Variants in NSD2 observed in about 807,000 individuals in gnomAD.
NSD2 encodes histone-lysine N-methyltransferase NSD2.
NSD2 carries 12 observed loss-of-function variants against 139.0 expected under a neutral mutation model. The ratio of observed to expected loss-of-function variants is 0.09; its 90% CI spans 0.06 to 0.14. The LOEUF (loss-of-function observed/expected upper bound fraction) is 0.14. NSD2 is among the 10% of genes least tolerant of loss of function. The pLI is 1.00. For missense variants in NSD2, 1,155 were observed against 1,745.0 expected, an observed-to-expected ratio of 0.66 and a Z score of 6.02; for synonymous variants, 669 against 648.7, an observed-to-expected ratio of 1.03 and a Z score of -0.48.
At position 1,878,268 on chromosome 4, in the gene NSD2, T is replaced by A. The variant is rs1429930860; in HGVS notation, c.-30+6726T>A. Among the ~76,000 whole-genome samples the A allele has an allele frequency of 2.6e-3, 319 of 121,500 alleles. 1 individual carries two copies. Among genetic ancestry groups the A allele is most frequent in the African/African-American group, 9.3e-3 (285 of 30,544 alleles). 79.7% of individuals were successfully genotyped at this position (121,500 alleles called of 152,430 possible). ...ATATATATATTTTTTTTTTTTTTTTTTTTTTTTTTTTTTTTTGTATTTTTA... is the reference window on the plus strand; with the variant it reads ...ATATATATATTTTTTTTTTTTTTTTATTTTTTTTTTTTTTTTGTATTTTTA... On this transcript the variant is annotated intron_variant, in intron 1 of 21. Transcript: ENST00000508803.
rs146996262 is a variant in NSD2 at position 1,898,816 on chromosome 4, T to A, written c.-29-1810T>A. ...AGAATTTGGGACTCCCCTCTGAGACTCTCTCCTTGAGATTTCCCCCCTCAT... is the reference window on the plus strand; with the variant it reads ...AGAATTTGGGACTCCCCTCTGAGACACTCTCCTTGAGATTTCCCCCCTCAT... On this transcript the variant is annotated intron_variant, in intron 1 of 21. Coordinates refer to ENST00000508803, the MANE Select transcript of NSD2 (RefSeq NM_001042424.3). Among the ~76,000 whole-genome samples the A allele has an allele frequency of 9.9e-5, 15 of 151,892 alleles. No individual in the cohort carries two copies. The East Asian group carries it at 2.9e-3, about 29-fold the overall frequency.
At chr4:1,872,613 AGAGAGAGAGAGAGAGAGAGAGAGC>A (rs1480850608) in intron 1 of NSD2, among the ~76,000 whole-genome samples, 38 of 143,882 alleles carry the variant, frequency 2.6e-4, no homozygotes, top group Non-Finnish European at 4.7e-4. Flanking sequence ...AGAGAGAGAG[AGAGAGAGAGAGAGAGAGAGAGAGC>A]GCGCAGACCC....
In NSD2 at chr4:1,975,302, C is replaced by T; in HGVS notation, c.3523C>T (p.Leu1175=). 2 of 1,614,176 alleles carry T rather than the reference C, an allele frequency of 1.2e-6. No individual in the cohort carries two copies. The highest frequency in any genetic ancestry group is 1.7e-6 in the Non-Finnish European group (2 of 1,180,032). ...AVCDIPAGTE[L]TFNYNLDCLG... is the part of the protein sequence containing the mutation. ...GTCTCCTCTTCTCCCAGGGACGGAG[C>T]TGACTTTTAACTACAACCTCGATTG... The change falls in exon 20 of 22, where the codon CTG becomes TTG. Residue 1175 remains leucine, a synonymous_variant. Coordinates refer to ENST00000508803, the MANE Select transcript of NSD2 (RefSeq NM_001042424.3).
At chr4:1,924,619 C>G (rs979131914) in intron 5 of NSD2, among the ~76,000 whole-genome samples, 2 of 152,004 alleles carry the variant, frequency 1.3e-5, no homozygotes, top group African/African-American at 4.8e-5. Flanking sequence ...ACAGTTAAAA[C>G]TGAGTTCTGG....
chr4:1,918,450 G>C lies in NSD2; in HGVS notation c.1237G>C (p.Glu413Gln). Residue 413 changes from glutamate to glutamine, a missense_variant, in exon 5 of 22, where the codon GAG becomes CAG. By Grantham distance (29) the Glu-to-Gln change is conservative (BLOSUM62 2). Coordinates refer to ENST00000508803, the MANE Select transcript of NSD2 (RefSeq NM_001042424.3). Reference sequence around the variant, plus strand: ...ACTGTGTAGCTCTGCAGAGACCCTGGAGAGTCACCCCGACATAGGGAAGAG... The same window carrying C: ...ACTGTGTAGCTCTGCAGAGACCCTGCAGAGTCACCCCGACATAGGGAAGAG... ...AKLCSSAETLESHPDIGKSTP... is the reference protein window; with the variant it reads ...AKLCSSAETLQSHPDIGKSTP... 1.2e-6 allele frequency: 2 copies of C among 1,614,098 alleles called. No individual in the cohort carries two copies. The highest frequency in any genetic ancestry group is 1.7e-6 in the Non-Finnish European group (2 of 1,180,022).
chr4:1,961,508 C>T (rs1032664050), intron 18 of NSD2, among the ~76,000 whole-genome samples: 1 of 152,138 alleles, frequency 6.6e-6, no homozygotes, highest in Admixed American at 6.6e-5. Flanking sequence ...TTTTAATTTT[C>T]AGTGCTCTTT....
rs1727038993 is a variant in NSD2, at chr4:1,976,027, C to T, written c.3622-448C>T. Among the ~76,000 whole-genome samples, 1 of 152,174 alleles carries T rather than the reference C, an allele frequency of 6.6e-6. No homozygotes were observed. Among genetic ancestry groups the T allele is most frequent in the Non-Finnish European group, 1.5e-5 (1 of 68,044 alleles). On this transcript the variant is annotated intron_variant, in intron 20 of 21. Coordinates refer to ENST00000508803, the MANE Select transcript of NSD2 (RefSeq NM_001042424.3). This position sits in a 1 kb window ranked among gnomAD's most constrained non-coding sequence, Gnocchi z 5.3. ...CGGTGGCACCAGCTCGGCCCTGAGC[C>T]GGTGTCTGTCCTCAGCCGTGTTGCT...
chr4:1,975,024 TGCATGGGGCTCCTG>T lies in NSD2; in HGVS notation c.3514+23_3514+36del. Reference sequence around the variant, plus strand: ...CTGCAGGTACAAGCTCTGGGGACCCTGCATGGGGCTCCTGGCTATGGGGGCAGAGTGGCCATCGC... The same window carrying T: ...CTGCAGGTACAAGCTCTGGGGACCCTGCTATGGGGGCAGAGTGGCCATCGC... On this transcript the variant is annotated intron_variant, in intron 19 of 21. Transcript: ENST00000508803. 1 of 1,613,690 alleles carries T rather than the reference TGCATGGGGCTCCTG, an allele frequency of 6.2e-7. No individual in the cohort carries two copies. Among genetic ancestry groups the T allele is most frequent in the South Asian group, 1.1e-5 (1 of 91,064 alleles).
intron 3 of NSD2, among the ~76,000 whole-genome samples, chr4:1,905,478 G>A (rs1449975407): frequency 1.3e-5 from 2 of 152,268 alleles, no homozygotes; most frequent in Non-Finnish European, 2.9e-5. Flanking sequence ...TCTGGTCTCT[G>A]GCTGGAGGCC....
chr4:1,941,943 A>T, intron 9 of NSD2: 4 of 1,077,122 alleles, frequency 3.7e-6, no homozygotes, highest in Non-Finnish European at 4.5e-6. Flanking sequence ...GCTGGGCCCG[A>T]TTCTGATATG....
intron 6 of NSD2, among the ~76,000 whole-genome samples, chr4:1,931,638 G>A (rs1048868302): frequency 1.3e-5 from 2 of 152,250 alleles, no homozygotes; most frequent in Admixed American, 1.3e-4. Flanking sequence ...AAGCGAAAGG[G>A]TCTGGCCACA....
intron 9 of NSD2, chr4:1,946,683 A>C (rs1324641290): frequency 9.6e-7 from 1 of 1,039,914 alleles, no homozygotes; most frequent in Non-Finnish European, 1.2e-6. Context: ...AGAATGTTAG[A>C]AATTACCACT....
In NSD2 at chr4:1,982,036, G is replaced by A; in HGVS notation, c.*3127G>A. 2.5e-6 allele frequency: 1 copy of A among 398,048 alleles called. No homozygotes were observed. Among genetic ancestry groups the A allele is most frequent in the South Asian group, 1.3e-4 (1 of 7,604 alleles). 24.7% of individuals were successfully genotyped at this position (398,048 alleles called of 1,614,324 possible). A position where few individuals can be genotyped will look rare whatever the true frequency, so the allele number is the denominator to read the frequency against. ...CTGGGTGCTGTCACCAGGTTTGATAGTTAGACTTAAAAACTTGAAATTCAC... is the reference window on the plus strand; with the variant it reads ...CTGGGTGCTGTCACCAGGTTTGATAATTAGACTTAAAAACTTGAAATTCAC... On this transcript the variant is annotated 3_prime_UTR_variant, in exon 22 of 22. Coordinates refer to ENST00000508803, the MANE Select transcript of NSD2 (RefSeq NM_001042424.3).
intron 5 of NSD2, among the ~76,000 whole-genome samples, chr4:1,921,496 C>T (rs971509357): frequency 6.7e-5 from 10 of 150,130 alleles, no homozygotes; most frequent in South Asian, 4.2e-4. Flanking sequence ...AAATCATGAA[C>T]GAGGGCCAGG....
chr4:1,932,195 G>T (rs554793547), intron 6 of NSD2, among the ~76,000 whole-genome samples: 2 of 152,228 alleles, frequency 1.3e-5, no homozygotes, highest in East Asian at 3.9e-4. Context: ...CCAGCACTTT[G>T]GGAGGCCAAG....
At chr4:1,935,641 C>A (rs1722298517) in intron 7 of NSD2, among the ~76,000 whole-genome samples, 1 of 152,092 alleles carries the variant, frequency 6.6e-6, no homozygotes, top group Non-Finnish European at 1.5e-5. Flanking sequence ...AGGTGGATTG[C>A]TTGAGGTCAG....
At chr4:1,977,168 C>G (rs1392921369) in intron 21 of NSD2, among the ~76,000 whole-genome samples, 2 of 152,242 alleles carry the variant, frequency 1.3e-5, no homozygotes, top group African/African-American at 4.8e-5. Context: ...GTGCTGTGCA[C>G]CAGGAGGCTC....
intron 9 of NSD2, chr4:1,947,219 G>T: frequency 9.4e-7 from 1 of 1,064,564 alleles, no homozygotes; most frequent in Non-Finnish European, 1.1e-6. Context: ...GTGGGACAAA[G>T]TTGGGTTGAT....
intron 5 of NSD2, 198 bp downstream of exon 5, chr4:1,918,821 T>C: frequency 1.5e-6 from 1 of 687,314 alleles, no homozygotes; most frequent in East Asian, 3.0e-5. Context: ...CACTCTGGGG[T>C]CTTAAAATAT....
Sources: gnomAD v4.1 joint callset for allele counts (sites outside exome capture counted in the v4.1 genomes callset) on GRCh38, gnomAD v4.1.1 for gene constraint, Gnocchi (gnomAD v3.1) non-coding constraint, MANE v1.5 for transcripts, NCBI Gene and HGNC (gene_info 2026-07-23, HGNC 2026-07-21) for gene names.